RALYL: variants seen among roughly 807,000 people sequenced by gnomAD.
RALYL encodes RNA-binding Raly-like protein.
RALYL carries 29 observed loss-of-function variants against 35.1 expected under a neutral mutation model. The observed-to-expected ratio is 0.83, with a 90% CI of 0.61 to 1.13. The LOEUF is 1.13. Among genes scored for constraint, RALYL ranks in the 50% most tolerant of loss-of-function variants. RALYL has a pLI of 0.00. For missense variants in RALYL, 359 were observed against 360.4 expected (o/e 1.00, Z 0.03); for synonymous variants, 120 against 127.6 (o/e 0.94, Z 0.40).
At chr8:84,818,729 G>A (rs1315829621) in intron 4 of RALYL, among the ~76,000 whole-genome samples, 2 of 152,160 alleles carry the variant, frequency 1.3e-5, no homozygotes, top group Non-Finnish European at 2.9e-5. Flanking sequence ...TATCCAAAGT[G>A]AGCCACTTAT....
intron 1 of RALYL, among the ~76,000 whole-genome samples, chr8:84,462,336 C>A (rs1036285807): frequency 1.3e-5 from 2 of 150,806 alleles, no homozygotes; most frequent in Non-Finnish European, 1.5e-5. Flanking sequence ...TTTTGGACAC[C>A]AGTCTCTTTT....
intron 1 of RALYL, among the ~76,000 whole-genome samples, chr8:84,418,514 A>G (rs992351437): frequency 3.3e-5 from 5 of 152,112 alleles, no homozygotes; most frequent in Non-Finnish European, 7.4e-5. Context: ...ATGAGTAGCC[A>G]TGCTGTTTTA....
At chr8:84,471,403 C>G (rs967803607) in intron 1 of RALYL, among the ~76,000 whole-genome samples, 1 of 147,950 alleles carries the variant, frequency 6.8e-6, no homozygotes, top group Non-Finnish European at 1.5e-5. Flanking sequence ...GACAACATAG[C>G]AAGACCACAT....
At chr8:84,793,244 G>T (rs755363029) in intron 3 of RALYL, among the ~76,000 whole-genome samples, 4 of 152,100 alleles carry the variant, frequency 2.6e-5, no homozygotes, top group Non-Finnish European at 4.4e-5. Flanking sequence ...AGAATTCCAA[G>T]GACTGAGCTC....
At chr8:84,361,958 T>G (rs1290476279) in intron 1 of RALYL, among the ~76,000 whole-genome samples, 1 of 152,160 alleles carries the variant, frequency 6.6e-6, no homozygotes, top group Non-Finnish European at 1.5e-5. Flanking sequence ...ACTGAATCTC[T>G]GCTCCTTCAT....
chr8:84,292,370 C>T (rs1341197763), intron 1 of RALYL, among the ~76,000 whole-genome samples: 7 of 152,056 alleles, frequency 4.6e-5, no homozygotes, highest in South Asian at 2.1e-4. Context: ...CTTTAACCTA[C>T]GTTAGATTAT....
At chr8:84,836,918 A>G (rs1234787238) in intron 4 of RALYL, among the ~76,000 whole-genome samples, 1 of 152,220 alleles carries the variant, frequency 6.6e-6, no homozygotes, top group Non-Finnish European at 1.5e-5. Flanking sequence ...AAGAGAGAGA[A>G]TAATCTCCAT....
At chr8:84,659,099 C>G (rs1588829129) in intron 2 of RALYL, among the ~76,000 whole-genome samples, 1 of 152,144 alleles carries the variant, frequency 6.6e-6, no homozygotes, top group Non-Finnish European at 1.5e-5. Flanking sequence ...TTCCAGGTTA[C>G]TGACCAAGGA....
intron 2 of RALYL, among the ~76,000 whole-genome samples, chr8:84,565,730 G>A (rs2061740608): frequency 6.6e-6 from 1 of 151,518 alleles, no homozygotes; most frequent in Non-Finnish European, 1.5e-5. Flanking sequence ...ACTAAAGAAG[G>A]ATTTAAGGTT....
At chr8:84,589,455 A>G (rs142930806) in intron 2 of RALYL, among the ~76,000 whole-genome samples, 12 of 152,346 alleles carry the variant, frequency 7.9e-5, no homozygotes, top group African/African-American at 2.6e-4. Context: ...CAAATTTACT[A>G]ACTTACTGTG....
intron 5 of RALYL, among the ~76,000 whole-genome samples, chr8:84,861,374 A>G (rs1838058721): frequency 6.6e-6 from 1 of 152,218 alleles, no homozygotes; most frequent in Admixed American, 6.5e-5. Flanking sequence ...TGGATGCAGT[A>G]CAAATAATAT....
intron 1 of RALYL, among the ~76,000 whole-genome samples, chr8:84,433,430 C>T (rs1227080067): frequency 2.6e-5 from 4 of 152,188 alleles, no homozygotes; most frequent in African/African-American, 9.6e-5. Flanking sequence ...GCACCTAAAA[C>T]AGGACGATGT....
chr8:84,725,153 T>C (rs1276855462), intron 2 of RALYL, among the ~76,000 whole-genome samples: 1 of 151,678 alleles, frequency 6.6e-6, no homozygotes, highest in Admixed American at 6.6e-5. Flanking sequence ...TTAGTACCAA[T>C]GCTATTCAAG....
intron 8 of RALYL, among the ~76,000 whole-genome samples, chr8:84,911,907 A>G (rs1462918102): frequency 6.6e-6 from 1 of 152,134 alleles, no homozygotes; most frequent in Non-Finnish European, 1.5e-5. Context: ...TAAGGTCTGG[A>G]AGGGTTTTGA....
chr8:84,882,138 G>T (rs539433157), intron 7 of RALYL, among the ~76,000 whole-genome samples: 1 of 151,972 alleles, frequency 6.6e-6, no homozygotes, highest in South Asian at 2.1e-4. Flanking sequence ...CATAATGTAG[G>T]TGTCTTAGAG....
At chr8:84,671,699 A>G (rs1373386382) in intron 2 of RALYL, among the ~76,000 whole-genome samples, 4 of 152,182 alleles carry the variant, frequency 2.6e-5, no homozygotes, top group Non-Finnish European at 4.4e-5. Flanking sequence ...GCTGGGACAC[A>G]GGGCACCAAG....
chr8:84,430,683 C>G (rs1169818896), intron 1 of RALYL, among the ~76,000 whole-genome samples: 1 of 151,980 alleles, frequency 6.6e-6, no homozygotes, highest in Non-Finnish European at 1.5e-5. Context: ...TTATGAATGA[C>G]AATTTTGAAT....
chr8:84,539,161 G>T lies in RALYL; in HGVS notation c.256+9584G>T, dbSNP rs77316000. ...TCCTAGCTCTCCACTTAGGACATGTGGAACTTTGGACAAGTTACTAAAGGA... is the reference window on the plus strand; with the variant it reads ...TCCTAGCTCTCCACTTAGGACATGTTGAACTTTGGACAAGTTACTAAAGGA... On this transcript the variant is annotated intron_variant, in intron 2 of 8. Coordinates refer to ENST00000521268, the MANE Select transcript of RALYL (RefSeq NM_173848.7). 4.4e-3 allele frequency among the ~76,000 whole-genome samples: 676 copies of T among 152,236 alleles called. 6 individuals are homozygous for T. Among genetic ancestry groups the T allele is most frequent in the African/African-American group, 0.016 (651 of 41,558 alleles).
At chr8:84,485,786 C>G (rs2054547268) in intron 1 of RALYL, among the ~76,000 whole-genome samples, 2 of 152,000 alleles carry the variant, frequency 1.3e-5, no homozygotes, top group Admixed American at 1.3e-4. Context: ...GAATATGAAG[C>G]CTCTTCTCAC....
Sources: gnomAD v4.1 joint callset for allele counts (sites outside exome capture counted in the v4.1 genomes callset) on GRCh38, gnomAD v4.1.1 for gene constraint, MANE v1.5 for transcripts, NCBI Gene and HGNC (gene_info 2026-07-23, HGNC 2026-07-21) for gene names.